SYTL2: variants seen among roughly 807,000 people sequenced by gnomAD.
SYTL2 encodes synaptotagmin-like protein 2.
Under a neutral mutation model 198.7 loss-of-function variants are expected in SYTL2, and 165 were observed. That is an observed-to-expected ratio of 0.83 (90% CI 0.73 to 0.94). SYTL2 has a LOEUF of 0.94. Among genes scored for constraint, SYTL2 ranks in the 40% least tolerant of loss-of-function variants. SYTL2 has a pLI of 0.00. For missense variants in SYTL2, 2,835 were observed against 2,582.8 expected, an observed-to-expected ratio of 1.10 and a Z score of -2.12; for synonymous variants, 966 against 917.7, an observed-to-expected ratio of 1.05 and a Z score of -0.95.
intron 1 of SYTL2, among the ~76,000 whole-genome samples, chr11:85,765,800 C>A (rs529810356): frequency 6.6e-6 from 1 of 152,222 alleles, no homozygotes; most frequent in Admixed American, 6.5e-5. Context: ...ATATTCACAC[C>A]TAACAATAAC....
chr11:85,757,786 C>A lies in SYTL2; in HGVS notation c.-61G>T, dbSNP rs560518938. ...GTGGCTCAAAATTCTCAGGGCTGAA[C>A]AACTAAGACTGCAACCAGGAAGATT... On this transcript the variant is annotated 5_prime_UTR_variant, in exon 2 of 20. Coordinates refer to ENST00000359152, the MANE Select transcript of SYTL2 (RefSeq NM_206927.4). The A allele has an allele frequency of 1.1e-4, 177 of 1,595,282 alleles. No homozygotes were observed. The East Asian group carries it at 3.7e-3, about 34-fold the overall frequency.
At chr11:85,801,178 C>T (rs2153648047) in intron 1 of SYTL2, among the ~76,000 whole-genome samples, 1 of 152,282 alleles carries the variant, frequency 6.6e-6, no homozygotes, top group South Asian at 2.1e-4. Flanking sequence ...ATAGTGCATG[C>T]TAAGCACAAG....
the SYTL2 span, among the ~76,000 whole-genome samples, chr11:85,828,824 C>G: frequency 1.3e-5 from 2 of 152,114 alleles, no homozygotes; most frequent in Admixed American, 1.3e-4. Flanking sequence ...GGCCTTGAAC[C>G]CAAGGTTTAT....
chr11:85,811,897 T>G (rs2093038735), upstream of SYTL2, among the ~76,000 whole-genome samples: 1 of 152,110 alleles, frequency 6.6e-6, no homozygotes, highest in Admixed American at 6.5e-5. Flanking sequence ...GGTCAGGAGT[T>G]CGGGACCAGC....
chr11:85,704,580 C>T (rs894854296), intron 16 of SYTL2, among the ~76,000 whole-genome samples: 3 of 152,114 alleles, frequency 2.0e-5, no homozygotes, highest in African/African-American at 7.2e-5. Context: ...ACACATGGAA[C>T]ATTTATCAAA....
Position 85,727,790 on chromosome 11 carries a change from A to G in SYTL2, c.1568T>C (p.Leu523Pro), listed in dbSNP as rs2089376017. 1 of 1,595,984 alleles carries G rather than the reference A, an allele frequency of 6.3e-7. No homozygotes were observed. The highest frequency in any genetic ancestry group is 1.1e-5 in the South Asian group (1 of 88,100). Residue 523 changes from leucine (L) to proline (P), a missense_variant, in exon 8 of 20, where the codon CTA becomes CCA. Around this residue, in one of 3 missense-constraint regions of SYTL2, gnomAD observed 2,645 missense variants for 2,381.7 expected, o/e 1.11. Transcript: ENST00000359152. ...KSTDDSIFKV[L>P]DWFNRSSYSD... is the part of the protein sequence containing the mutation. The stretch of plus-strand genomic sequence containing the variant: ...ATAAGAACTTCGGTTAAACCAGTCT[A>G]GAACTTTAAATATGGAATCATCAGT...
At chr11:85,700,736 C>T (rs185990163) in intron 16 of SYTL2, 143 bp from the exon 17 acceptor site, 20 of 654,618 alleles carry the variant, frequency 3.1e-5, no homozygotes, top group Non-Finnish European at 2.7e-6. Flanking sequence ...TTTCTCTCTG[C>T]ATCAGAACTA....
chr11:85,707,562 A>G (rs2085395754), intron 14 of SYTL2, 31 bp from the exon 15 acceptor site: 1 of 1,377,776 alleles, frequency 7.3e-7, no homozygotes, highest in East Asian at 2.3e-5. Flanking sequence ...GACAAAGTCA[A>G]AGAAAATAAA....
Position 85,695,002 on chromosome 11 carries a change from C to T in SYTL2, c.*193G>A, listed in dbSNP as rs2153341114. On this transcript the variant is annotated 3_prime_UTR_variant, in exon 20 of 20. Transcript: ENST00000359152. ...TATTTAATATTAGAGTCACAAATTA[C>T]ACATTTTGTTATATTTAAATCCCTT... 2.4e-6 allele frequency: 1 copy of T among 424,762 alleles called. No individual in the cohort carries two copies. Among genetic ancestry groups the T allele is most frequent in the Non-Finnish European group, 4.1e-6 (1 of 245,444 alleles). The allele number at this position is 424,762 out of a possible 1,614,324, so 26.3% of individuals were successfully genotyped here. A position where few individuals can be genotyped will look rare whatever the true frequency, so the allele number is the denominator to read the frequency against.
chr11:85,803,926 C>A (rs2092924782), intron 1 of SYTL2, among the ~76,000 whole-genome samples: 1 of 152,164 alleles, frequency 6.6e-6, no homozygotes, highest in African/African-American at 2.4e-5. Context: ...AGATAGATAA[C>A]AGACATTCTG....
chr11:85,776,401 C>T (rs940136661), intron 1 of SYTL2, among the ~76,000 whole-genome samples: 1 of 152,154 alleles, frequency 6.6e-6, no homozygotes, highest in Non-Finnish European at 1.5e-5. Context: ...CCTCCCCTAG[C>T]CTCCCACCGC....
intron 1 of SYTL2, among the ~76,000 whole-genome samples, chr11:85,761,448 T>C (rs1287407033): frequency 6.6e-6 from 1 of 152,140 alleles, no homozygotes; most frequent in Non-Finnish European, 1.5e-5. Context: ...TACACCAGAA[T>C]GCCCCCAGGA....
chr11:85,732,181 T>C (rs1181909377), intron 7 of SYTL2, among the ~76,000 whole-genome samples: 1 of 152,202 alleles, frequency 6.6e-6, no homozygotes, highest in Admixed American at 6.5e-5. Context: ...GAAGACAGTG[T>C]GGTGATTCCT....
the SYTL2 span, among the ~76,000 whole-genome samples, chr11:85,844,273 G>A: frequency 6.6e-6 from 1 of 152,176 alleles, no homozygotes; most frequent in East Asian, 1.9e-4. Flanking sequence ...TAGCTAGTGT[G>A]CTGTATAAAG....
chr11:85,781,491 A>T (rs1238118753), intron 1 of SYTL2, among the ~76,000 whole-genome samples: 3 of 152,254 alleles, frequency 2.0e-5, no homozygotes, highest in East Asian at 3.9e-4. Flanking sequence ...AAAACCAGTT[A>T]TGCCCTCCCA....
At chr11:85,835,934 T>C in the SYTL2 span, among the ~76,000 whole-genome samples, 1 of 152,190 alleles carries the variant, frequency 6.6e-6, no homozygotes, top group East Asian at 1.9e-4. Flanking sequence ...ATAATCAGCA[T>C]GTTTCAGCCT....
At chr11:85,766,253 G>A (rs960667659) in intron 1 of SYTL2, among the ~76,000 whole-genome samples, 3 of 152,166 alleles carry the variant, frequency 2.0e-5, no homozygotes, top group African/African-American at 2.4e-5. Flanking sequence ...TGCCAGTCTT[G>A]ATAAATGTGC....
At chr11:85,761,525 G>A (rs150251846) in intron 1 of SYTL2, among the ~76,000 whole-genome samples, 1 of 152,304 alleles carries the variant, frequency 6.6e-6, no homozygotes, top group African/African-American at 2.4e-5. Flanking sequence ...AGGACAGTAA[G>A]ACTTCTGGCT....
chr11:85,796,968 C>A (rs190296727), intron 1 of SYTL2, among the ~76,000 whole-genome samples: 18 of 152,322 alleles, frequency 1.2e-4, no homozygotes, highest in African/African-American at 3.6e-4. Context: ...GCTGGAGGAT[C>A]GCTTGGGCCC....
Sources: allele counts gnomAD v4.1 joint callset (sites outside exome capture counted in the v4.1 genomes callset), GRCh38; gene constraint gnomAD v4.1.1; regional missense constraint gnomAD v4.1.1; transcripts MANE v1.5; gene names NCBI Gene and HGNC (gene_info 2026-07-23, HGNC 2026-07-21).